Variants in MAP2K6 observed in about 807,000 individuals in gnomAD.
The protein encoded by MAP2K6 is dual specificity mitogen-activated protein kinase kinase 6.
Under a neutral mutation model 53.7 loss-of-function variants are expected in MAP2K6, and 16 were observed. The observed-to-expected ratio is 0.30, with a 90% CI of 0.20 to 0.45. The LOEUF (loss-of-function observed/expected upper bound fraction) is 0.45, where lower values mean the gene tolerates loss of function less well. MAP2K6 is among the 20% of genes least tolerant of loss of function. The probability of loss-of-function intolerance (pLI) is 1.00; values close to 1 mark genes in which losing one functional copy is unlikely to be tolerated. For synonymous variants in MAP2K6, 132 were observed against 143.1 expected, an observed-to-expected ratio of 0.92 and a Z score of 0.55; for missense variants, 204 against 411.9, an observed-to-expected ratio of 0.50 and a Z score of 4.37.
At chr17:69,508,081 C>T (rs371717723) in intron 2 of MAP2K6, among the ~76,000 whole-genome samples, 978 of 42,784 alleles carry the variant, frequency 0.023, 28 homozygotes, top group African/African-American at 0.069. Flanking sequence ...GACGGAGTTT[C>T]GCTCTTGTTG....
intron 1 of MAP2K6, among the ~76,000 whole-genome samples, chr17:69,420,233 T>A (rs1378356481): frequency 6.6e-6 from 1 of 152,220 alleles, no homozygotes; most frequent in Admixed American, 6.5e-5. Context: ...TTTTCAGTTA[T>A]CTTTTCAGGC....
chr17:69,493,658 G>A (rs560283196), intron 1 of MAP2K6, among the ~76,000 whole-genome samples: 2 of 152,244 alleles, frequency 1.3e-5, no homozygotes, highest in South Asian at 4.1e-4. Flanking sequence ...CTACTTGGGA[G>A]GCTGAGAAAG....
At position 69,544,199 on chromosome 17, in the gene MAP2K6, G is replaced by A. The variant is rs1939624990; in HGVS notation, c.*2446G>A. On this transcript the variant is annotated 3_prime_UTR_variant, in exon 12 of 12. Coordinates refer to ENST00000590474, the MANE Select transcript of MAP2K6 (RefSeq NM_002758.4). ...TATTTCTTTCCCTGTCCTCATCAGT[G>A]GAAATCTCTTTGTCACTCTGAGAGA... 6.6e-6 allele frequency: 1 copy of A among 152,144 alleles called. No homozygotes were observed. Among genetic ancestry groups the A allele is most frequent in the South Asian group, 2.1e-4 (1 of 4,836 alleles). The allele number at this position is 152,144 out of a possible 1,614,324, so 9.4% of individuals were successfully genotyped here.
chr17:69,481,438 C>T (rs1208655222), intron 1 of MAP2K6, among the ~76,000 whole-genome samples: 2 of 152,130 alleles, frequency 1.3e-5, no homozygotes, highest in African/African-American at 4.8e-5. Flanking sequence ...CACCTTTTGG[C>T]AATTGTGAAT....
intron 2 of MAP2K6, among the ~76,000 whole-genome samples, chr17:69,508,077 G>GTT (rs35028767): frequency 0.43 from 44,027 of 102,342 alleles, 9,961 homozygotes; most frequent in Middle Eastern, 0.48. Flanking sequence ...TTGAGACGGA[G>GTT]TTTCGCTCTT....
chr17:69,492,109 C>T (rs920481426), intron 1 of MAP2K6, among the ~76,000 whole-genome samples: 1 of 152,100 alleles, frequency 6.6e-6, no homozygotes, highest in South Asian at 2.1e-4. Flanking sequence ...TGTAGGTTGT[C>T]TGTTTATTCA....
chr17:69,455,069 G>A (rs1248789458), intron 1 of MAP2K6, among the ~76,000 whole-genome samples: 1 of 150,798 alleles, frequency 6.6e-6, no homozygotes, highest in Admixed American at 6.6e-5. Flanking sequence ...GGAGGTAAGG[G>A]TACAATGTTC....
chr17:69,432,626 A>T (rs1404657562), intron 1 of MAP2K6, among the ~76,000 whole-genome samples: 1 of 149,236 alleles, frequency 6.7e-6, no homozygotes, highest in East Asian at 2.0e-4. Context: ...ACACAGGGAG[A>T]GGAAAAACAC....
At chr17:69,512,205 G>T (rs1168050929) in intron 2 of MAP2K6, among the ~76,000 whole-genome samples, 1 of 151,862 alleles carries the variant, frequency 6.6e-6, no homozygotes, top group Non-Finnish European at 1.5e-5. Flanking sequence ...CATCAGACTG[G>T]TAGAGGCTGT....
chr17:69,497,798 A>T (rs1909004186), intron 1 of MAP2K6, among the ~76,000 whole-genome samples: 1 of 152,124 alleles, frequency 6.6e-6, no homozygotes, highest in Non-Finnish European at 1.5e-5. Flanking sequence ...CCAAGTCTTG[A>T]TTGTCAAAAT....
chr17:69,471,763 G>A (rs894127503), intron 1 of MAP2K6, among the ~76,000 whole-genome samples: 9 of 152,174 alleles, frequency 5.9e-5, no homozygotes, highest in African/African-American at 2.2e-4. Context: ...ACAACAAAGT[G>A]TCAGCTTTAA....
intron 6 of MAP2K6, chr17:69,520,772 G>A (rs1372485223): frequency 3.7e-5 from 15 of 407,694 alleles, no homozygotes; most frequent in Non-Finnish European, 6.1e-5. Context: ...CTACCTTCAT[G>A]GCTATTCAGG....
chr17:69,444,384 A>G (rs1368643552), intron 1 of MAP2K6, among the ~76,000 whole-genome samples: 2 of 152,188 alleles, frequency 1.3e-5, no homozygotes, highest in Non-Finnish European at 2.9e-5. Context: ...AAAGAAACGA[A>G]TTCTTACCAA....
rs187171579 is a variant in MAP2K6 at position 69,443,316 on chromosome 17, C to T, written c.16+28316C>T. 3.2e-3 allele frequency among the ~76,000 whole-genome samples: 484 copies of T among 152,230 alleles called. 3 individuals are homozygous for T. Among genetic ancestry groups the T allele is most frequent in the Non-Finnish European group, 5.7e-3 (385 of 68,024 alleles). The stretch of plus-strand genomic sequence containing the variant: ...TGAACTTCCTTTGAACTTGGAGTAA[C>T]CAAGCAATAGACCATGGCAGTGTAA... On this transcript the variant is annotated intron_variant, in intron 1 of 11. Transcript: ENST00000590474.
At chr17:69,533,625 A>G (rs1456898708) in intron 10 of MAP2K6, among the ~76,000 whole-genome samples, 5 of 152,092 alleles carry the variant, frequency 3.3e-5, no homozygotes, top group African/African-American at 1.2e-4. Context: ...TTGTGCTTGC[A>G]CTTTTTGTTA....
At chr17:69,525,773 T>C (rs1296365887) in intron 9 of MAP2K6, among the ~76,000 whole-genome samples, 1 of 152,122 alleles carries the variant, frequency 6.6e-6, no homozygotes, top group Admixed American at 6.5e-5. Flanking sequence ...ATGTAGGAAT[T>C]ATGGGAGCTA....
At chr17:69,450,065 G>T (rs1567822134) in intron 1 of MAP2K6, among the ~76,000 whole-genome samples, 1 of 150,320 alleles carries the variant, frequency 6.7e-6, no homozygotes, top group African/African-American at 2.5e-5. Context: ...CTTCCAAGTA[G>T]CTGGGACTAC....
intron 1 of MAP2K6, among the ~76,000 whole-genome samples, chr17:69,432,520 G>A (rs188183936): frequency 1.3e-5 from 2 of 152,240 alleles, no homozygotes; most frequent in Admixed American, 6.5e-5. Context: ...GAATGAAGCC[G>A]GAAACCATCA....
intron 1 of MAP2K6, chr17:69,502,769 C>T: frequency 1.1e-6 from 1 of 894,092 alleles, no homozygotes; most frequent in Non-Finnish European, 1.3e-6. Flanking sequence ...CCTTCTCCTC[C>T]CACTTGGAAG....
Sources: gnomAD v4.1 joint callset for allele counts (sites outside exome capture counted in the v4.1 genomes callset) on GRCh38, gnomAD v4.1.1 for gene constraint, MANE v1.5 for transcripts, NCBI Gene and HGNC (gene_info 2026-07-23, HGNC 2026-07-21) for gene names.